NRK: variants seen among roughly 807,000 people sequenced by gnomAD.
NRK encodes Nik related kinase.
NRK carries 67 observed loss-of-function variants against 125.2 expected under a neutral mutation model. The ratio of observed to expected loss-of-function variants is 0.54; its 90% CI spans 0.44 to 0.66. The LOEUF (loss-of-function observed/expected upper bound fraction) is 0.66. Ranked by LOEUF, NRK falls within the 30% of genes least tolerant of loss-of-function variation. The pLI, the probability that NRK is intolerant of heterozygous loss-of-function variation, is 0.00. For missense variants in NRK, 1,224 were observed against 1,192.9 expected, an observed-to-expected ratio of 1.03 and a Z score of -0.38; for synonymous variants, 458 against 429.0, an observed-to-expected ratio of 1.07 and a Z score of -0.84.
At chrX:105,855,109 T>C (rs1028760600) in intron 2 of NRK, among the ~76,000 whole-genome samples, 2 of 111,546 alleles carry the variant, frequency 1.8e-5, no homozygotes, top group African/African-American at 6.5e-5. Context: ...ACCAGGTCAA[T>C]CATGAGCTGT....
chrX:105,945,967 G>C lies in NRK; in HGVS notation c.4155G>C (p.Val1385=), dbSNP rs1339908803. ...ILAKIQAADP[V]NRFKRPDELL... is the part of the protein sequence containing the mutation. ...CAAAAATACAGGCAGCTGATCCAGT[G>C]AACCGGTTTAAGAGACCAGATGAGC... Residue 1385 remains valine, a synonymous_variant, in exon 25 of 29, where the codon GTG becomes GTC. Coordinates refer to ENST00000243300, the MANE Select transcript of NRK (RefSeq NM_198465.4). 2.5e-6 allele frequency: 3 copies of C among 1,210,425 alleles called. No homozygotes were observed. The highest frequency in any genetic ancestry group is 3.4e-6 in the Non-Finnish European group (3 of 894,654).
At chrX:105,890,813 G>T (rs1470138045) in intron 5 of NRK, among the ~76,000 whole-genome samples, 1 of 111,658 alleles carries the variant, frequency 9.0e-6, no homozygotes, top group Non-Finnish European at 1.9e-5. Flanking sequence ...TTCAAGATGA[G>T]ATTTGGGTGA....
intron 1 of NRK, among the ~76,000 whole-genome samples, chrX:105,825,949 A>G (rs975621513): frequency 1.9e-5 from 2 of 106,809 alleles, no homozygotes; most frequent in Non-Finnish European, 3.8e-5. Flanking sequence ...TTATGTCTTT[A>G]TATATATCTT....
chrX:105,896,714 G>A (rs749234183), intron 7 of NRK, among the ~76,000 whole-genome samples: 5 of 110,555 alleles, frequency 4.5e-5, no homozygotes, highest in Admixed American at 9.6e-5. Context: ...ATGGTGGTGC[G>A]CACCTGTGGT....
intron 27 of NRK, among the ~76,000 whole-genome samples, chrX:105,950,322 C>A (rs769605767): frequency 9.0e-6 from 1 of 110,630 alleles, no homozygotes; most frequent in African/African-American, 3.3e-5. Flanking sequence ...TCTTCCTAGC[C>A]AAAGCAGGAC....
At chrX:105,904,777 A>AT (rs948751827) in intron 9 of NRK, among the ~76,000 whole-genome samples, 32 of 107,361 alleles carry the variant, frequency 3.0e-4, no homozygotes, top group East Asian at 5.8e-4. Flanking sequence ...CACTATACCT[A>AT]TTTTTTTTTT....
In NRK at chrX:105,909,284, A is replaced by C. The variant is rs1480009267; in HGVS notation, c.1643A>C (p.Gln548Pro). The change falls in exon 13 of 29, where the codon CAA (glutamine) becomes CCA (proline). Residue 548 changes from glutamine (Q) to proline (P), a missense_variant. Transcript: ENST00000243300. ...CAGAGGCACAACCAGGTGCCTGAAC[A>C]AGAGCTGGAGCAGAACCAGGCACCT... ...QQQRHNQVPE[Q>P]ELEQNQAPEQ... 1.7e-6 allele frequency: 2 copies of C among 1,204,970 alleles called. No individual in the cohort carries two copies. Among genetic ancestry groups the C allele is most frequent in the Non-Finnish European group, 2.2e-6 (2 of 892,542 alleles).
At chrX:105,949,969 AT>A (rs2040869804) in intron 27 of NRK, among the ~76,000 whole-genome samples, 1 of 111,810 alleles carries the variant, frequency 8.9e-6, no homozygotes, top group Non-Finnish European at 1.9e-5. Flanking sequence ...TATTTGCAAT[AT>A]TGTATAACTG....
Position 105,923,253 on chromosome X carries a change from G to C in NRK, c.2746G>C (p.Glu916Gln), listed in dbSNP as rs1406670902. Residue 916 changes from glutamate (E) to glutamine (Q), a missense_variant, in exon 18 of 29, where the codon GAG becomes CAG. Transcript: ENST00000243300. ...GGCACCTGTCATTCAGCCACCTGAA[G>C]AGGATGGTGATTATGTTGAACTCTA... ...TPAPVIQPPE[E>Q]DGDYVELYDA... 4.1e-6 allele frequency: 5 copies of C among 1,206,421 alleles called. No homozygotes were observed. In the Admixed American group the frequency reaches 1.1e-4, roughly 27 times the overall value.
intron 19 of NRK, among the ~76,000 whole-genome samples, chrX:105,933,054 T>C (rs1264522358): frequency 1.8e-5 from 2 of 111,013 alleles, no homozygotes; most frequent in African/African-American, 6.6e-5. Context: ...AGGCACACAG[T>C]AATTATGGAA....
At chrX:105,832,805 C>T (rs2039211709) in intron 2 of NRK, among the ~76,000 whole-genome samples, 1 of 110,417 alleles carries the variant, frequency 9.1e-6, no homozygotes, top group Non-Finnish European at 1.9e-5. Context: ...AGGAGGATTG[C>T]TTGAAGCCAG....
intron 1 of NRK, among the ~76,000 whole-genome samples, chrX:105,824,855 A>C (rs1441888260): frequency 2.7e-5 from 3 of 111,661 alleles, no homozygotes; most frequent in Non-Finnish European, 5.6e-5. Context: ...ACTTCAGGAC[A>C]TTGATGCTTG....
intron 2 of NRK, among the ~76,000 whole-genome samples, chrX:105,847,236 A>G (rs1184664183): frequency 8.9e-6 from 1 of 112,369 alleles, no homozygotes; most frequent in African/African-American, 3.2e-5. Flanking sequence ...TCCCAGTTCC[A>G]GTACCATTAT....
rs2040980276 is a variant in NRK, at chrX:105,956,546, G to T, written c.*946G>T. The T allele has an allele frequency of 9.0e-6, 1 of 111,706 alleles. No homozygotes were observed. The highest frequency in any genetic ancestry group is 1.9e-5 in the Non-Finnish European group (1 of 53,079). 9.2% of individuals were successfully genotyped at this position (111,706 alleles called of 1,213,427 possible). A position where few individuals can be genotyped will look rare whatever the true frequency, so the allele number is the denominator to read the frequency against. On this transcript the variant is annotated 3_prime_UTR_variant, in exon 29 of 29. Transcript: ENST00000243300. ...TAGACTACACAAAAGCTTCCTTCCA[G>T]TATTAAACAAAAAGAATTAAACATA...
chrX:105,948,871 A>C, intron 26 of NRK: 1 of 333,879 alleles, frequency 3.0e-6, no homozygotes. Flanking sequence ...CAATATCTGT[A>C]GTTTAAGAAA....
At chrX:105,832,868 A>G (rs1349902397) in intron 2 of NRK, among the ~76,000 whole-genome samples, 6 of 109,779 alleles carry the variant, frequency 5.5e-5, no homozygotes, top group African/African-American at 2.0e-4. Flanking sequence ...CAAAAAATTA[A>G]AAAGAAAAAG....
intron 2 of NRK, among the ~76,000 whole-genome samples, chrX:105,871,670 G>C (rs1396754986): frequency 1.8e-5 from 2 of 111,406 alleles, no homozygotes; most frequent in African/African-American, 6.5e-5. Flanking sequence ...TCCAGTAGGG[G>C]AGATAGATAG....
intron 1 of NRK, among the ~76,000 whole-genome samples, 165 bp downstream of exon 1, chrX:105,823,067 C>G (rs984294542): frequency 8.8e-6 from 1 of 113,255 alleles, no homozygotes; most frequent in Non-Finnish European, 1.9e-5. Flanking sequence ...AAGGCGCCCC[C>G]TGGGCACCGG....
Position 105,912,550 on chromosome X carries a change from A to G in NRK, c.2242-98A>G, listed in dbSNP as rs776622333. 1.2e-4 allele frequency: 33 copies of G among 265,935 alleles called. No homozygotes were observed. The South Asian group carries it at 3.4e-3, about 28-fold the overall frequency. The allele number at this position is 265,935 out of a possible 1,213,427, so 21.9% of individuals were successfully genotyped here. A position where few individuals can be genotyped will look rare whatever the true frequency, so the allele number is the denominator to read the frequency against. On this transcript the variant is annotated intron_variant, in intron 13 of 28. Transcript: ENST00000243300. ...TATTATTTTAAATTATATATTATAT[A>G]ATACATATAAACAATTCAGCATTAA...
Sources: allele counts gnomAD v4.1 joint callset (sites outside exome capture counted in the v4.1 genomes callset), GRCh38; gene constraint gnomAD v4.1.1; transcripts MANE v1.5; gene names NCBI Gene and HGNC (gene_info 2026-07-23, HGNC 2026-07-21).